Variants in BIRC6 observed in about 807,000 individuals in gnomAD.
The protein encoded by BIRC6 is baculoviral IAP repeat containing 6, also known as dual E2 ubiquitin-conjugating enzyme/E3 ubiquitin-protein ligase BIRC6.
BIRC6 carries 98 observed loss-of-function variants against 503.3 expected under a neutral mutation model. That is an observed-to-expected ratio of 0.19 (90% CI 0.17 to 0.23). BIRC6 has a LOEUF of 0.23. BIRC6 is among the 10% of genes least tolerant of loss of function. BIRC6 has a pLI of 1.00. For synonymous variants in BIRC6, 2,240 were observed against 2,078.7 expected, an observed-to-expected ratio of 1.08 and a Z score of -2.11; for missense variants, 5,360 against 5,806.0, an observed-to-expected ratio of 0.92 and a Z score of 2.50.
chr2:32,474,540 T>G (rs916075589), intron 33 of BIRC6, among the ~76,000 whole-genome samples: 5 of 152,174 alleles, frequency 3.3e-5, no homozygotes, highest in Non-Finnish European at 7.4e-5. Context: ...GGTGTCAGTA[T>G]TACTTCTCTC....
chr2:32,377,320 C>T (rs1019866692), intron 1 of BIRC6, among the ~76,000 whole-genome samples: 3 of 150,976 alleles, frequency 2.0e-5, no homozygotes, highest in African/African-American at 7.3e-5. Flanking sequence ...TATACTGTTG[C>T]TGTGTTTATT....
intron 65 of BIRC6, among the ~76,000 whole-genome samples, chr2:32,562,401 T>C (rs1219283507): frequency 6.6e-6 from 1 of 152,242 alleles, no homozygotes; most frequent in African/African-American, 2.4e-5. Flanking sequence ...TATTCATATT[T>C]TGCATTAGTG....
chr2:32,427,924 A>G (rs531756397), intron 10 of BIRC6, among the ~76,000 whole-genome samples: 2 of 152,256 alleles, frequency 1.3e-5, no homozygotes, highest in East Asian at 1.9e-4. Flanking sequence ...AAACTGTTGA[A>G]TCTGTGAAAT....
rs1487276302 is a variant in BIRC6, at chr2:32,465,125, C to T, written c.5317C>T (p.Pro1773Ser). The T allele has an allele frequency of 6.2e-7, 1 of 1,604,758 alleles. No homozygotes were observed. The highest frequency in any genetic ancestry group is 8.5e-7 in the Non-Finnish European group (1 of 1,174,064). The change falls in exon 26 of 74, where the codon CCG becomes TCG. Residue 1773 changes from proline (P) to serine (S), a missense_variant. Coordinates refer to ENST00000421745, the MANE Select transcript of BIRC6 (RefSeq NM_016252.4). The part of the protein sequence containing the change: ...ISHASHFLQP[P>S]PHQSIIIERM... ...TCATGCTTCACATTTTCTTCAACCT[C>T]CGCCTCACCAGTCCATTATTATAGA...
At chr2:32,539,763 C>T (rs564209631) in intron 61 of BIRC6, among the ~76,000 whole-genome samples, 3 of 151,940 alleles carry the variant, frequency 2.0e-5, no homozygotes, top group African/African-American at 7.2e-5. Context: ...AACAGGAGTA[C>T]AATTAACCAA....
At chr2:32,520,413 T>C (rs1006342094) in intron 57 of BIRC6, among the ~76,000 whole-genome samples, 1 of 152,242 alleles carries the variant, frequency 6.6e-6, no homozygotes, top group African/African-American at 2.4e-5. Context: ...TGAAAATGAC[T>C]GCCTTATCTG....
chr2:32,357,094 G>C lies in BIRC6; in HGVS notation c.-68G>C. 7.5e-7 allele frequency: 1 copy of C among 1,337,460 alleles called. No individual in the cohort carries two copies. 82.8% of individuals were successfully genotyped at this position (1,337,460 alleles called of 1,614,324 possible). A position where few individuals can be genotyped will look rare whatever the true frequency, so the allele number is the denominator to read the frequency against. ...TGGCCCCTCCGGCCGGGCGATCGACGTTCCGCGTGCGTGCGGGCGCCTGAC... is the reference window on the plus strand; with the variant it reads ...TGGCCCCTCCGGCCGGGCGATCGACCTTCCGCGTGCGTGCGGGCGCCTGAC... On this transcript the variant is annotated 5_prime_UTR_variant, in exon 1 of 74. Coordinates refer to ENST00000421745, the MANE Select transcript of BIRC6 (RefSeq NM_016252.4). The surrounding 1 kb of genome is among the most constrained non-coding windows in gnomAD (Gnocchi z 4.9).
At chr2:32,441,499 ATG>A (rs1460507538) in intron 17 of BIRC6, 37 bp downstream of exon 17, 5 of 1,575,930 alleles carry the variant, frequency 3.2e-6, no homozygotes, top group Non-Finnish European at 4.3e-6. Flanking sequence ...TCTTACAGTA[ATG>A]AAAGTGCAGA....
intron 64 of BIRC6, among the ~76,000 whole-genome samples, chr2:32,548,329 T>G (rs2058191472): frequency 7.1e-6 from 1 of 141,472 alleles, no homozygotes; most frequent in Non-Finnish European, 1.5e-5. Flanking sequence ...TTTTTTTTTT[T>G]AAGTGTTATT....
intron 68 of BIRC6, among the ~76,000 whole-genome samples, chr2:32,597,102 C>T (rs573705986): frequency 5.3e-5 from 8 of 152,328 alleles, no homozygotes; most frequent in Non-Finnish European, 1.2e-4. Flanking sequence ...TAAGAAACTG[C>T]ATTTTCAACC....
At position 32,618,389 on chromosome 2, in the gene BIRC6, C is replaced by T. The variant is rs1229635167; in HGVS notation, c.*485C>T. On this transcript the variant is annotated 3_prime_UTR_variant, in exon 74 of 74. Transcript: ENST00000421745. ...TTGATTTCTGAAGACCTCCTACATA[C>T]ACTTCAATAAAAGTTAAATGGACAT... 1 of 152,232 alleles carries T rather than the reference C, an allele frequency of 6.6e-6. No homozygotes were observed. The highest frequency in any genetic ancestry group is 1.5e-5 in the Non-Finnish European group (1 of 68,076). The allele number at this position is 152,232 out of a possible 1,614,324, so 9.4% of individuals were successfully genotyped here.
rs140022342 is a variant in BIRC6, at chr2:32,419,328, G to A, written c.2872+3165G>A. ...GTCTTTTCATAAAAATAAATCTATAGTTAATATATGTTTTAAGTTAATTTT... is the reference window on the plus strand; with the variant it reads ...GTCTTTTCATAAAAATAAATCTATAATTAATATATGTTTTAAGTTAATTTT... On this transcript the variant is annotated intron_variant, in intron 10 of 73. Coordinates refer to ENST00000421745, the MANE Select transcript of BIRC6 (RefSeq NM_016252.4). 5.4e-3 allele frequency among the ~76,000 whole-genome samples: 821 copies of A among 152,118 alleles called. 11 individuals are homozygous for A. The highest frequency in any genetic ancestry group is 0.019 in the African/African-American group (773 of 41,524).
Position 32,407,339 on chromosome 2 carries a change from G to T in BIRC6, c.1477+782G>T, listed in dbSNP as rs1428594005. On this transcript the variant is annotated intron_variant, in intron 9 of 73. Coordinates refer to ENST00000421745, the MANE Select transcript of BIRC6 (RefSeq NM_016252.4). ...GGCGCATGCCTATCCCAGTTACTCA[G>T]GAGGCTGAGGCAGGAGAATCGTTTG... is the stretch of plus-strand genomic sequence containing the variant. 2.0e-5 allele frequency among the ~76,000 whole-genome samples: 3 copies of T among 151,918 alleles called. No individual in the cohort carries two copies. The East Asian group carries it at 5.8e-4, about 29-fold the overall frequency.
rs2062159454 is a variant in BIRC6, at chr2:32,602,870, C to G, written c.13993-136C>G. On this transcript the variant is annotated intron_variant, in intron 70 of 73. Coordinates refer to ENST00000421745, the MANE Select transcript of BIRC6 (RefSeq NM_016252.4). ...ATGCCAATTTGTTTTAACAGACAAC[C>G]CTTAGGGTTTTATCTAGGGGACATA... 4.8e-6 allele frequency: 3 copies of G among 627,694 alleles called. No homozygotes were observed. The African/African-American group carries it at 5.7e-5, about 12-fold the overall frequency. The allele number at this position is 627,694 out of a possible 1,614,324, so 38.9% of individuals were successfully genotyped here. A position where few individuals can be genotyped will look rare whatever the true frequency, so the allele number is the denominator to read the frequency against.
At chr2:32,575,446 T>C in intron 66 of BIRC6, 80 bp downstream of exon 66, 1 of 1,351,006 alleles carries the variant, frequency 7.4e-7, no homozygotes. Context: ...TTTTTGTTTT[T>C]CAGTGATATG....
At chr2:32,489,913 T>G in intron 42 of BIRC6, 128 bp from the exon 43 acceptor site, 1 of 635,324 alleles carries the variant, frequency 1.6e-6, no homozygotes, top group Non-Finnish European at 2.8e-6. Flanking sequence ...ATTTGCATGT[T>G]TTGAAGACAC....
chr2:32,514,021 G>A (rs1264304971), intron 54 of BIRC6, among the ~76,000 whole-genome samples: 3 of 74,990 alleles, frequency 4.0e-5, no homozygotes, highest in East Asian at 4.1e-4. Context: ...GCTGCCTCAC[G>A]CCACTGTACC....
At chr2:32,410,979 C>A (rs1319086563) in intron 9 of BIRC6, among the ~76,000 whole-genome samples, 2 of 151,678 alleles carry the variant, frequency 1.3e-5, no homozygotes, top group Non-Finnish European at 2.9e-5. Flanking sequence ...GGATTACAGG[C>A]GTGAGCCACC....
At chr2:32,470,381 A>G in intron 31 of BIRC6, 80 bp downstream of exon 31, 1 of 1,278,164 alleles carries the variant, frequency 7.8e-7, no homozygotes, top group Non-Finnish European at 1.1e-6. Context: ...TCTCTGAAAT[A>G]CTTTAATAAT....
Sources: allele counts gnomAD v4.1 joint callset (sites outside exome capture counted in the v4.1 genomes callset), GRCh38; gene constraint gnomAD v4.1.1; non-coding constraint Gnocchi (gnomAD v3.1); transcripts MANE v1.5; gene names NCBI Gene and HGNC (gene_info 2026-07-23, HGNC 2026-07-21).